FHIT: variants seen among roughly 807,000 people sequenced by gnomAD.
The protein encoded by FHIT is bis(5'-adenosyl)-triphosphatase.
FHIT carries 19 observed loss-of-function variants against 17.9 expected under a neutral mutation model. That is an observed-to-expected ratio of 1.06 (90% CI 0.74 to 1.56). FHIT has a LOEUF of 1.56. Ranked by LOEUF, FHIT falls within the 40% of genes most tolerant of loss-of-function variation. The pLI, the probability that FHIT is intolerant of heterozygous loss-of-function variation, is 0.00. For missense variants in FHIT, 248 were observed against 189.2 expected, an observed-to-expected ratio of 1.31 and a Z score of -1.82; for synonymous variants, 81 against 69.7, an observed-to-expected ratio of 1.16 and a Z score of -0.81.
rs569290901 is a variant in FHIT, at chr3:59,811,376, T to A, written c.349-59055A>T. On this transcript the variant is annotated intron_variant, in intron 8 of 9. Coordinates refer to ENST00000492590, the MANE Select transcript of FHIT (RefSeq NM_002012.4). ...TCTCCAAATAGCTTCGTGTTTCTTT[T>A]TTTAGCCAGCATGTGGGCATCCTGC... 4.9e-4 allele frequency among the ~76,000 whole-genome samples: 74 copies of A among 152,348 alleles called. 2 individuals are homozygous for A. The Middle Eastern group carries it at 0.01, about 21-fold the overall frequency.
chr3:60,055,787 G>T (rs1444735635), intron 5 of FHIT, among the ~76,000 whole-genome samples: 1 of 152,140 alleles, frequency 6.6e-6, no homozygotes, highest in African/African-American at 2.4e-5. Context: ...AGCACTTAGA[G>T]GAACGGGAAG....
chr3:60,258,100 A>ACACACC (rs770378733), intron 5 of FHIT, among the ~76,000 whole-genome samples: 1,734 of 145,024 alleles, frequency 0.012, 19 homozygotes, highest in South Asian at 0.05. Flanking sequence ...ACACACACAC[A>ACACACC]CCTCTGCAGA....
At chr3:61,022,031 C>T (rs910597984) in intron 3 of FHIT, among the ~76,000 whole-genome samples, 1 of 151,756 alleles carries the variant, frequency 6.6e-6, no homozygotes, top group Admixed American at 6.6e-5. Context: ...CACGAAAAAC[C>T]CTTAAAAAAA....
intron 5 of FHIT, among the ~76,000 whole-genome samples, chr3:60,454,655 A>G (rs372400783): frequency 2.0e-5 from 3 of 152,076 alleles, no homozygotes; most frequent in African/African-American, 7.2e-5. Context: ...AAGTGCTGGG[A>G]TTATAGGTGT....
chr3:60,584,289 G>A (rs2037837881), intron 4 of FHIT, among the ~76,000 whole-genome samples: 1 of 151,984 alleles, frequency 6.6e-6, no homozygotes. Flanking sequence ...TTACAAATTA[G>A]GCTTTTTTTC....
intron 8 of FHIT, among the ~76,000 whole-genome samples, chr3:59,829,134 G>A (rs2106695358): frequency 6.6e-6 from 1 of 152,206 alleles, no homozygotes; most frequent in East Asian, 1.9e-4. Context: ...CTCTAGTTTG[G>A]CCAAATAACA....
chr3:60,267,744 T>G (rs1706656612), intron 5 of FHIT, among the ~76,000 whole-genome samples: 1 of 152,184 alleles, frequency 6.6e-6, no homozygotes, highest in African/African-American at 2.4e-5. Flanking sequence ...ATATCTGATC[T>G]AGGACTGATC....
chr3:60,340,074 A>G (rs78407532), intron 5 of FHIT, among the ~76,000 whole-genome samples: 8 of 151,884 alleles, frequency 5.3e-5, no homozygotes, highest in Non-Finnish European at 1.0e-4. Flanking sequence ...GGGGTGTTTA[A>G]TTTTTTTTAA....
chr3:61,211,793 C>T (rs769141920), intron 1 of FHIT, among the ~76,000 whole-genome samples: 28 of 152,228 alleles, frequency 1.8e-4, no homozygotes, highest in Non-Finnish European at 3.2e-4. Context: ...CGGCCGGGTA[C>T]TCCTCTGAGA....
rs553529039 is a variant in FHIT, at chr3:60,280,156, G to A, written c.103+256704C>T. Among the ~76,000 whole-genome samples the A allele has an allele frequency of 7.2e-4, 110 of 151,992 alleles. 1 individual carries two copies. The highest frequency in any genetic ancestry group is 3.4e-3 in the Middle Eastern group (1 of 294). On this transcript the variant is annotated intron_variant, in intron 5 of 9. Coordinates refer to ENST00000492590, the MANE Select transcript of FHIT (RefSeq NM_002012.4). ...ATAGCAACAGATACAGAAAAGCACT[G>A]ACAAAATCCCACACTCATTTATGAG...
At chr3:60,375,257 T>A (rs927281957) in intron 5 of FHIT, among the ~76,000 whole-genome samples, 17 of 152,064 alleles carry the variant, frequency 1.1e-4, no homozygotes, top group Non-Finnish European at 2.1e-4. Flanking sequence ...GAACTTGGTT[T>A]TGTATCATTA....
intron 4 of FHIT, among the ~76,000 whole-genome samples, chr3:60,661,933 C>T (rs1553691263): frequency 6.6e-6 from 1 of 151,790 alleles, no homozygotes; most frequent in African/African-American, 2.4e-5. Context: ...TGTTTGAGTT[C>T]CTTATAGATT....
At chr3:60,638,879 T>C (rs2039656129) in intron 4 of FHIT, among the ~76,000 whole-genome samples, 1 of 150,808 alleles carries the variant, frequency 6.6e-6, no homozygotes, top group Admixed American at 6.6e-5. Flanking sequence ...AAATGGTGTG[T>C]TGGGGGTGGG....
At chr3:60,573,754 C>T (rs1474577985) in intron 4 of FHIT, among the ~76,000 whole-genome samples, 2 of 151,996 alleles carry the variant, frequency 1.3e-5, no homozygotes, top group African/African-American at 2.4e-5. Context: ...ACAGAGAAAA[C>T]GAAAGAGTCT....
At chr3:61,070,910 C>T (rs2034784291) in intron 2 of FHIT, among the ~76,000 whole-genome samples, 1 of 152,134 alleles carries the variant, frequency 6.6e-6, no homozygotes, top group Admixed American at 6.5e-5. Context: ...CTCTCGTCCT[C>T]TCCATTATCA....
intron 4 of FHIT, among the ~76,000 whole-genome samples, chr3:60,586,806 T>C (rs1245523817): frequency 6.6e-6 from 1 of 151,852 alleles, no homozygotes; most frequent in Non-Finnish European, 1.5e-5. Flanking sequence ...AACTCATGGA[T>C]ACAAAGAGGC....
chr3:60,135,322 C>T (rs7616889), intron 5 of FHIT, among the ~76,000 whole-genome samples: 32 of 152,008 alleles, frequency 2.1e-4, no homozygotes, highest in African/African-American at 5.3e-4. Context: ...AGATTATAGG[C>T]GAGAAAATGC....
intron 8 of FHIT, among the ~76,000 whole-genome samples, chr3:59,908,390 G>C (rs1704684748): frequency 6.6e-6 from 1 of 152,212 alleles, no homozygotes; most frequent in South Asian, 2.1e-4. Context: ...CCCATGAGAA[G>C]AACTCTGACA....
At chr3:60,254,057 T>G (rs1705860362) in intron 5 of FHIT, among the ~76,000 whole-genome samples, 1 of 152,194 alleles carries the variant, frequency 6.6e-6, no homozygotes, top group Non-Finnish European at 1.5e-5. Flanking sequence ...TCATATCTGC[T>G]TTCTCTCTTT....
Sources: gnomAD v4.1 joint callset for allele counts (sites outside exome capture counted in the v4.1 genomes callset) on GRCh38, gnomAD v4.1.1 for gene constraint, MANE v1.5 for transcripts, NCBI Gene and HGNC (gene_info 2026-07-23, HGNC 2026-07-21) for gene names.